Variants in IGF2BP1 observed in about 807,000 individuals in gnomAD.
IGF2BP1 encodes insulin-like growth factor 2 mRNA-binding protein 1.
Under a neutral mutation model 74.9 loss-of-function variants are expected in IGF2BP1, and 11 were observed. That is an observed-to-expected ratio of 0.15 (90% CI 0.09 to 0.24). The LOEUF is 0.24. Among genes scored for constraint, IGF2BP1 ranks in the 10% least tolerant of loss-of-function variants. The probability of loss-of-function intolerance (pLI) is 1.00; values close to 1 mark genes in which losing one functional copy is unlikely to be tolerated. For synonymous variants in IGF2BP1, 287 were observed against 281.8 expected (o/e 1.02, Z -0.18); for missense variants, 440 against 757.4 (o/e 0.58, Z 4.92).
intron 2 of IGF2BP1, among the ~76,000 whole-genome samples, chr17:49,018,497 A>C (rs1161458130): frequency 1.3e-5 from 2 of 152,252 alleles, no homozygotes; most frequent in East Asian, 3.9e-4. Context: ...GGATGAAGTT[A>C]AATTGTGTTA....
At chr17:48,999,734 C>G (rs915359794) in intron 2 of IGF2BP1, among the ~76,000 whole-genome samples, 5 of 151,860 alleles carry the variant, frequency 3.3e-5, no homozygotes, top group African/African-American at 1.2e-4. Context: ...CCCAATCCCT[C>G]ATATCTCACA....
At chr17:49,036,180 T>C (rs1367929566) in intron 5 of IGF2BP1, among the ~76,000 whole-genome samples, 4 of 152,088 alleles carry the variant, frequency 2.6e-5, no homozygotes, top group African/African-American at 9.7e-5. Context: ...GAAAGTTAGC[T>C]TTGTGAAGTG....
intron 7 of IGF2BP1, among the ~76,000 whole-genome samples, chr17:49,040,563 C>G (rs2042039757): frequency 6.6e-6 from 1 of 152,224 alleles, no homozygotes; most frequent in South Asian, 2.1e-4. Context: ...TGTGCACTCA[C>G]AGGTGTGTGT....
chr17:48,999,228 G>A (rs1177614387), intron 2 of IGF2BP1, 59 bp downstream of exon 2: 2 of 984,722 alleles, frequency 2.0e-6, no homozygotes, highest in Non-Finnish European at 3.2e-6. Context: ...CTGTGAAGCT[G>A]TGTTCAGGGG....
intron 2 of IGF2BP1, among the ~76,000 whole-genome samples, chr17:49,000,920 G>A (rs947422431): frequency 2.7e-5 from 4 of 149,908 alleles, no homozygotes; most frequent in African/African-American, 9.9e-5. Context: ...AATGGAGAGG[G>A]GGTTTGTGAG....
intron 2 of IGF2BP1, among the ~76,000 whole-genome samples, chr17:49,000,075 C>G (rs2041469015): frequency 6.6e-6 from 1 of 151,958 alleles, no homozygotes; most frequent in Non-Finnish European, 1.5e-5. Context: ...ACTCTGAAAC[C>G]TTTCCTTGAA....
intron 2 of IGF2BP1, among the ~76,000 whole-genome samples, chr17:49,016,901 TCCTCC>T (rs2041711834): frequency 6.8e-6 from 1 of 147,492 alleles, no homozygotes; most frequent in African/African-American, 2.5e-5. Flanking sequence ...GGCCAGCTCC[TCCTCC>T]CCTCCCCGCC....
chr17:49,001,546 T>C (rs1387372956), intron 2 of IGF2BP1, among the ~76,000 whole-genome samples: 1 of 152,160 alleles, frequency 6.6e-6, no homozygotes, highest in Non-Finnish European at 1.5e-5. Context: ...TTAGTTTGAA[T>C]TTATTTGATA....
intron 14 of IGF2BP1, among the ~76,000 whole-genome samples, chr17:49,048,815 T>C (rs933953231): frequency 2.6e-5 from 4 of 152,166 alleles, no homozygotes; most frequent in Middle Eastern, 6.8e-3. Flanking sequence ...GCGCAGTGCA[T>C]GTGAAGGATC....
At chr17:49,008,119 C>G (rs1286697611) in intron 2 of IGF2BP1, among the ~76,000 whole-genome samples, 1 of 148,594 alleles carries the variant, frequency 6.7e-6, no homozygotes, top group Non-Finnish European at 1.5e-5. Flanking sequence ...TTACAGTGAG[C>G]AGAGATTGTG....
intron 8 of IGF2BP1, 60 bp downstream of exon 8, chr17:49,041,560 T>C (rs746685439): frequency 1.3e-4 from 203 of 1,600,602 alleles, no homozygotes; most frequent in South Asian, 2.2e-4. Context: ...CCAGGGTCAG[T>C]ATTTCATCAT....
At chr17:49,039,446 G>A (rs2144119585) in intron 6 of IGF2BP1, among the ~76,000 whole-genome samples, 1 of 151,788 alleles carries the variant, frequency 6.6e-6, no homozygotes, top group Admixed American at 6.6e-5. Flanking sequence ...TTTATTTTTT[G>A]AGGCAGAGTC....
intron 1 of IGF2BP1, among the ~76,000 whole-genome samples, chr17:48,998,648 C>G (rs2143899356): frequency 6.6e-6 from 1 of 152,216 alleles, no homozygotes. Flanking sequence ...CAAACCAGCC[C>G]CGACAGGTGA....
At chr17:49,039,676 C>G (rs2042028426) in intron 6 of IGF2BP1, among the ~76,000 whole-genome samples, 1 of 152,156 alleles carries the variant, frequency 6.6e-6, no homozygotes, top group South Asian at 2.1e-4. Context: ...ACCCACCCGC[C>G]TCGGCCTCCA....
intron 2 of IGF2BP1, among the ~76,000 whole-genome samples, chr17:49,002,932 T>TG (rs544613291): frequency 3.9e-5 from 6 of 152,210 alleles, no homozygotes; most frequent in Non-Finnish European, 7.4e-5. Flanking sequence ...GTAAGGGCAG[T>TG]GGCAACTGAC....
rs1451615075 is a variant in IGF2BP1 at position 49,025,630 on chromosome 17, T to C, written c.249T>C (p.Ile83=). Residue 83 remains isoleucine (I), a synonymous_variant, in exon 3 of 15, where the codon ATT becomes ATC. Coordinates refer to ENST00000290341, the MANE Select transcript of IGF2BP1 (RefSeq NM_006546.4). ...SVPKKQRSRK[I]QIRNIPPQLR... ...CCTTTACTTTCAGGAGCCGGAAAAT[T>C]CAAATCCGAAATATTCCACCCCAGC... 1 of 1,612,628 alleles carries C rather than the reference T, an allele frequency of 6.2e-7. No individual in the cohort carries two copies.
Position 48,997,974 on chromosome 17 carries a change from A to C in IGF2BP1, c.175+54A>C. 6.4e-7 allele frequency: 1 copy of C among 1,574,136 alleles called. No individual in the cohort carries two copies. Among genetic ancestry groups the C allele is most frequent in the East Asian group, 2.3e-5 (1 of 44,096 alleles). ...CCACAACGAGAGCCCCGAACAACGGAGACCCGCACCTTCCGGTTCCTCTCC... is the reference window on the plus strand; with the variant it reads ...CCACAACGAGAGCCCCGAACAACGGCGACCCGCACCTTCCGGTTCCTCTCC... On this transcript the variant is annotated intron_variant, in intron 1 of 14. Transcript: ENST00000290341. This position sits in a 1 kb window ranked among gnomAD's most constrained non-coding sequence, Gnocchi z 4.8.
intron 14 of IGF2BP1, among the ~76,000 whole-genome samples, chr17:49,048,688 G>A (rs966332744): frequency 6.6e-6 from 1 of 152,132 alleles, no homozygotes; most frequent in Admixed American, 6.5e-5. Context: ...GGGCCACACA[G>A]CAGGAGGTGA....
chr17:49,049,263 G>A (rs1339059001), intron 14 of IGF2BP1, 89 bp from the exon 15 acceptor site: 3 of 1,007,524 alleles, frequency 3.0e-6, no homozygotes, highest in Admixed American at 2.0e-5. Flanking sequence ...TCTGTTTATT[G>A]CCTGTGTCTG....
Sources: allele counts gnomAD v4.1 joint callset (sites outside exome capture counted in the v4.1 genomes callset), GRCh38; gene constraint gnomAD v4.1.1; non-coding constraint Gnocchi (gnomAD v3.1); transcripts MANE v1.5; gene names NCBI Gene and HGNC (gene_info 2026-07-23, HGNC 2026-07-21).